Variants in DHRS4 observed in about 807,000 individuals in gnomAD.
DHRS4 encodes dehydrogenase/reductase 4.
In DHRS4, 20 loss-of-function variants were observed where a neutral mutation model predicts 28.4. The ratio of observed to expected loss-of-function variants is 0.71; its 90% CI spans 0.50 to 1.02. The LOEUF is 1.02. Among genes scored for constraint, DHRS4 ranks in the 50% least tolerant of loss-of-function variants. The pLI, the probability that DHRS4 is intolerant of heterozygous loss-of-function variation, is 0.00. For missense variants in DHRS4, 378 were observed against 367.2 expected (o/e 1.03, Z -0.24); for synonymous variants, 144 against 146.4 (o/e 0.98, Z 0.12).
Position 23,955,022 on chromosome 14 carries a change from T to C in DHRS4, c.129-13T>C. The C allele has an allele frequency of 3.1e-6, 5 of 1,614,152 alleles. No individual in the cohort carries two copies. Among genetic ancestry groups the C allele is most frequent in the Non-Finnish European group, 4.2e-6 (5 of 1,179,978 alleles). On this transcript the variant is annotated splice_polypyrimidine_tract_variant and intron_variant, in intron 1 of 7. Transcript: ENST00000313250. The stretch of plus-strand genomic sequence containing the variant: ...CACAGGCCTTAGCAGTCTTTGTCTC[T>C]TTCTGCTCACAGGATCGGCTTCGCC...
chr14:23,968,687 C>T, intron 7 of DHRS4, 70 bp from the exon 8 acceptor site: 1 of 1,578,634 alleles, frequency 6.3e-7, no homozygotes, highest in African/African-American at 1.4e-5. Context: ...AATTTAACTC[C>T]CTGTGTCCCA....
rs561279304 is a variant in DHRS4, at chr14:23,961,859, C to G, written c.408+1856C>G. Among the ~76,000 whole-genome samples the G allele has an allele frequency of 1.2e-4, 18 of 146,846 alleles. 3 individuals carry two copies. Among genetic ancestry groups the G allele is most frequent in the Non-Finnish European group, 2.7e-4 (18 of 66,944 alleles). On this transcript the variant is annotated intron_variant, in intron 3 of 7. Transcript: ENST00000313250. ...TAGAGGAGCATCATTCATGAACAGT[C>G]TGAATAGAGACCATATGAAAGTCAG...
Position 23,965,762 on chromosome 14 carries a change from A to G in DHRS4, c.409A>G (p.Thr137Ala). 6.2e-7 allele frequency: 1 copy of G among 1,600,416 alleles called. No homozygotes were observed. The highest frequency in any genetic ancestry group is 8.5e-7 in the Non-Finnish European group (1 of 1,171,516). ...MDVTEEVWDK[T>A]LDINVKAPAL... is the part of the protein sequence containing the mutation. ...TTTCCCCTTCTTCTCTTGGCTTCAGACTCTGGACATTAATGTGAAGGCCCC... is the reference window on the plus strand; with the variant it reads ...TTTCCCCTTCTTCTCTTGGCTTCAGGCTCTGGACATTAATGTGAAGGCCCC... The change falls in exon 4 of 8, where the codon ACT becomes GCT. Residue 137 changes from threonine (T) to alanine (A), a missense_variant and splice_region_variant. Physicochemically the swap from Thr to Ala is moderately conservative, Grantham distance 58. Transcript: ENST00000313250.
At chr14:23,963,844 G>A (rs2138463654) in intron 3 of DHRS4, among the ~76,000 whole-genome samples, 1 of 149,690 alleles carries the variant, frequency 6.7e-6, no homozygotes, top group East Asian at 2.0e-4. Flanking sequence ...AAAGATGTGT[G>A]ACTCTTCCTT....
At chr14:23,961,903 C>A (rs1408784079) in intron 3 of DHRS4, among the ~76,000 whole-genome samples, 1 of 144,754 alleles carries the variant, frequency 6.9e-6, no homozygotes, top group Non-Finnish European at 1.5e-5. Flanking sequence ...TAAGTACAGG[C>A]ACGCCTCAGA....
rs756162594 is a variant in DHRS4 at position 23,967,277 on chromosome 14, A to C, written c.722+11A>C. The C allele has an allele frequency of 5.7e-5, 92 of 1,610,502 alleles. No individual in the cohort carries two copies. Among genetic ancestry groups the C allele is most frequent in the Non-Finnish European group, 7.5e-5 (88 of 1,178,490 alleles). On this transcript the variant is annotated intron_variant, in intron 7 of 7. Transcript: ENST00000313250. Reference sequence around the variant, plus strand: ...CCTGCGGATAAGAAGGTAAACTGTCATGAGGGCAAGGGCACTAAGAGACAT... The same window carrying C: ...CCTGCGGATAAGAAGGTAAACTGTCCTGAGGGCAAGGGCACTAAGAGACAT...
At chr14:23,954,371 A>C (rs1225628252) in intron 1 of DHRS4, among the ~76,000 whole-genome samples, 1 of 152,118 alleles carries the variant, frequency 6.6e-6, no homozygotes, top group Non-Finnish European at 1.5e-5. Flanking sequence ...CACCAGAGCC[A>C]TATGTCGAGA....
intron 5 of DHRS4, 124 bp from the exon 6 acceptor site, chr14:23,966,159 C>A: frequency 6.3e-7 from 1 of 1,578,546 alleles, no homozygotes; most frequent in Non-Finnish European, 8.6e-7. Flanking sequence ...AGCCACAAGA[C>A]AGTTCCCTAA....
intron 2 of DHRS4, among the ~76,000 whole-genome samples, chr14:23,956,687 C>T (rs920903542): frequency 6.6e-6 from 1 of 151,376 alleles, no homozygotes; most frequent in Non-Finnish European, 1.5e-5. Flanking sequence ...TCACTGCAAC[C>T]TCCGCCTCCA....
chr14:23,956,750 T>TGC lies in DHRS4; in HGVS notation c.306+1538_306+1539insGC, dbSNP rs1385270010. 3.7e-3 allele frequency among the ~76,000 whole-genome samples: 563 copies of TGC among 152,100 alleles called. 2 individuals carry two copies. The highest frequency in any genetic ancestry group is 0.013 in the African/African-American group (538 of 41,446). The stretch of plus-strand genomic sequence containing the variant: ...TCCCGAGCAGCTAGGATTACAGGCA[T>TGC]CCACCACCACGTCCAGCTAATTTTT... On this transcript the variant is annotated intron_variant, in intron 2 of 7. Coordinates refer to ENST00000313250, the MANE Select transcript of DHRS4 (RefSeq NM_021004.4).
rs569080873 is a variant in DHRS4 at position 23,956,755 on chromosome 14, C to G, written c.306+1543C>G. Among the ~76,000 whole-genome samples the G allele has an allele frequency of 5.9e-5, 9 of 152,204 alleles. No individual in the cohort carries two copies. The South Asian group carries it at 1.9e-3, about 32-fold the overall frequency. On this transcript the variant is annotated intron_variant, in intron 2 of 7. Coordinates refer to ENST00000313250, the MANE Select transcript of DHRS4 (RefSeq NM_021004.4). ...AGCAGCTAGGATTACAGGCATCCAC[C>G]ACCACGTCCAGCTAATTTTTGTATT...
chr14:23,955,266 T>A, intron 2 of DHRS4, 54 bp downstream of exon 2: 1 of 1,554,914 alleles, frequency 6.4e-7, no homozygotes, highest in Non-Finnish European at 8.7e-7. Flanking sequence ...GGAGCCAGCC[T>A]GAGCCTCCTT....
intron 3 of DHRS4, among the ~76,000 whole-genome samples, chr14:23,960,775 G>C (rs2033386419): frequency 6.6e-6 from 1 of 152,030 alleles, no homozygotes; most frequent in Non-Finnish European, 1.5e-5. Context: ...AGTCTGTTTT[G>C]CATTGCTATA....
chr14:23,954,370 C>G (rs1358732418), intron 1 of DHRS4, among the ~76,000 whole-genome samples: 2 of 152,212 alleles, frequency 1.3e-5, no homozygotes, highest in Non-Finnish European at 2.9e-5. Flanking sequence ...ACACCAGAGC[C>G]ATATGTCGAG....
At chr14:23,964,143 A>T (rs2033519789) in intron 3 of DHRS4, among the ~76,000 whole-genome samples, 1 of 144,362 alleles carries the variant, frequency 6.9e-6, no homozygotes, top group African/African-American at 2.6e-5. Context: ...CCAAAATGTG[A>T]CCCAGAGACA....
At chr14:23,968,113 CTT>C (rs1422956878) in intron 7 of DHRS4, 1 of 102,772 alleles carries the variant, frequency 9.7e-6, no homozygotes, top group African/African-American at 4.5e-5. Context: ...CTTTTCTTTT[CTT>C]TTTTGGTTTA....
intron 2 of DHRS4, among the ~76,000 whole-genome samples, chr14:23,958,871 C>A (rs969291309): frequency 1.3e-5 from 2 of 152,210 alleles, no homozygotes. Context: ...GCCTCCTGTT[C>A]TTACCTAGCC....
chr14:23,954,235 G>A (rs1171186032), intron 1 of DHRS4: 2 of 261,678 alleles, frequency 7.6e-6, no homozygotes, highest in Non-Finnish European at 1.5e-5. Context: ...ACCAGAAACT[G>A]GAAATCCAAG....
intron 3 of DHRS4, among the ~76,000 whole-genome samples, chr14:23,964,220 TAAAAAAAAAAAAAAA>T (rs71119059): frequency 0.069 from 2,380 of 34,620 alleles, 239 homozygotes; most frequent in African/African-American, 0.2. Context: ...CTGCAATTTG[TAAAAAAAAAAAAAAA>T]AAAAAAAAAA....
Sources: gnomAD v4.1 joint callset for allele counts (sites outside exome capture counted in the v4.1 genomes callset) on GRCh38, gnomAD v4.1.1 for gene constraint, MANE v1.5 for transcripts, NCBI Gene and HGNC (gene_info 2026-07-23, HGNC 2026-07-21) for gene names.